The following PKD1 variants were observed in gnomAD, a reference collection of about 807,000 sequenced individuals.
PKD1 encodes polycystin-1.
A neutral mutation model predicts 361.7 loss-of-function variants in PKD1; 81 were observed. That is an observed-to-expected ratio of 0.22 (90% CI 0.19 to 0.27). The LOEUF (loss-of-function observed/expected upper bound fraction) is 0.27. Among genes scored for constraint, PKD1 ranks in the 10% least tolerant of loss-of-function variants. The pLI is 1.00. For missense variants in PKD1, 6,399 were observed against 6,118.3 expected, an observed-to-expected ratio of 1.05 and a Z score of -1.53; for synonymous variants, 3,615 against 2,818.3, an observed-to-expected ratio of 1.28 and a Z score of -8.95.
Position 2,108,706 on chromosome 16 carries a change from A to G in PKD1, c.6461T>C (p.Val2154Ala). The G allele has an allele frequency of 1.9e-6, 3 of 1,570,072 alleles. No individual in the cohort carries two copies. The highest frequency in any genetic ancestry group is 2.6e-6 in the Non-Finnish European group (3 of 1,158,484). The change falls in exon 15 of 46, where the codon GTC becomes GCC. Residue 2154 changes from valine (V) to alanine (A), a missense_variant. Transcript: ENST00000262304. The stretch of plus-strand genomic sequence containing the variant: ...CCGCATCAGCACCTGCAGGGGCAGG[A>G]CCACGTCCACCTCCGGCTCCCGGCA... ...LACREPEVDVVLPLQVLMRRS... is the reference protein window; with the variant it reads ...LACREPEVDVALPLQVLMRRS...
Position 2,106,644 on chromosome 16 carries a change from G to A in PKD1, c.7243C>T (p.Leu2415=). The change falls in exon 18 of 46, where the codon CTG becomes TTG. Residue 2415 remains leucine (L), a synonymous_variant. Transcript: ENST00000262304. This position sits in a 1 kb window ranked among gnomAD's most constrained non-coding sequence, Gnocchi z 6.5. ...WAARTFSNKT[L]VLDETTTSTG... is the part of the protein sequence containing the mutation. The stretch of plus-strand genomic sequence containing the variant: ...GATGTGGTGGTCTCATCCAGCACCA[G>A]CGTCTTGTTGCTGAACGTACGTGCA... 1 of 1,598,160 alleles carries A rather than the reference G, an allele frequency of 6.3e-7. No individual in the cohort carries two copies. The highest frequency in any genetic ancestry group is 1.3e-5 in the African/African-American group (1 of 74,942).
Position 2,117,470 on chromosome 16 carries a change from G to C in PKD1, c.1385+19C>G, listed in dbSNP as rs1003698808. 1 of 1,426,334 alleles carries C rather than the reference G, an allele frequency of 7.0e-7. No homozygotes were observed. The allele number at this position is 1,426,334 out of a possible 1,614,324, so 88.4% of individuals were successfully genotyped here. A position where few individuals can be genotyped will look rare whatever the true frequency, so the allele number is the denominator to read the frequency against. On this transcript the variant is annotated intron_variant, in intron 6 of 45. Coordinates refer to ENST00000262304, the MANE Select transcript of PKD1 (RefSeq NM_001009944.3). ...GAGATCTCCCAACCTATGGCCCCTC[G>C]GGGGGTGGGGGCAGGCACCTGGTGA...
At chr16:2,135,297 G>A (rs4080151) in intron 1 of PKD1, 178 bp downstream of exon 1, 20 of 985,026 alleles carry the variant, frequency 2.0e-5, no homozygotes, top group African/African-American at 7.0e-5. Context: ...TCGGCTCCCC[G>A]GGGCCGTGCC....
rs750086263 is a variant in PKD1 at position 2,090,532 on chromosome 16, C to T, written c.12197G>A (p.Cys4066Tyr). The change falls in exon 45 of 46, where the codon TGC becomes TAC. Residue 4066 changes from cysteine (C) to tyrosine (Y), a missense_variant. Physicochemically the swap from Cys to Tyr is radical, Grantham distance 194. Coordinates refer to ENST00000262304, the MANE Select transcript of PKD1 (RefSeq NM_001009944.3). ...CAGGGTAGAGAGCCCAGTCCCAGGG[C>T]ACAGCACCAACAGGGCCTGGGCCAC... ...WSVAQALLVL[C>Y]PGTGLSTLCP... The T allele has an allele frequency of 4.3e-6, 7 of 1,610,468 alleles. No homozygotes were observed. The Admixed American group carries it at 8.3e-5, about 19-fold the overall frequency.
Position 2,115,189 on chromosome 16 carries a change from G to A in PKD1, c.2097+189C>T, listed in dbSNP as rs535944052. On this transcript the variant is annotated intron_variant, in intron 10 of 45. Transcript: ENST00000262304. Reference sequence around the variant, plus strand: ...AGAGGAGGCACAGCTCGTGCCAAGGGCCCAGGCGAGAGCTTCTCCCACTGG... The same window carrying A: ...AGAGGAGGCACAGCTCGTGCCAAGGACCCAGGCGAGAGCTTCTCCCACTGG... The A allele has an allele frequency of 4.3e-5, 27 of 628,106 alleles. 1 individual carries two copies. Among genetic ancestry groups the A allele is most frequent in the South Asian group, 7.1e-5 (1 of 14,172 alleles). The allele number at this position is 628,106 out of a possible 1,614,324, so 38.9% of individuals were successfully genotyped here.
intron 14 of PKD1, among the ~76,000 whole-genome samples, chr16:2,112,075 C>G (rs1307465451): frequency 5.3e-5 from 8 of 152,218 alleles, no homozygotes; most frequent in African/African-American, 1.9e-4. Flanking sequence ...GGCACCGCCT[C>G]CAAGTGCAGC....
rs1326880099 is a variant in PKD1 at position 2,104,462 on chromosome 16, G to A, written c.8161+36C>T. 24 of 1,479,024 alleles carry A rather than the reference G, an allele frequency of 1.6e-5. 1 individual carries two copies. Among genetic ancestry groups the A allele is most frequent in the African/African-American group, 7.6e-5 (5 of 65,646 alleles). 91.6% of individuals were successfully genotyped at this position (1,479,024 alleles called of 1,614,324 possible). On this transcript the variant is annotated intron_variant, in intron 22 of 45. Transcript: ENST00000262304. Reference sequence around the variant, plus strand: ...GGGAGGCAGAGGAAAGGGCCGCACGGGGCGGGCGGGTGGCATGGGGCACGG... The same window carrying A: ...GGGAGGCAGAGGAAAGGGCCGCACGAGGCGGGCGGGTGGCATGGGGCACGG...
chr16:2,096,088 A>G (rs1256656964), intron 34 of PKD1, among the ~76,000 whole-genome samples: 2 of 152,220 alleles, frequency 1.3e-5, no homozygotes, highest in African/African-American at 4.8e-5. Flanking sequence ...ACACAAATCA[A>G]ACTAGATGTG....
intron 7 of PKD1, 32 bp downstream of exon 7, chr16:2,116,801 C>A (rs1271919798): frequency 1.5e-5 from 20 of 1,324,264 alleles, no homozygotes; most frequent in Non-Finnish European, 1.8e-5. Context: ...CCACAGCCAG[C>A]GTCTCAGGCC....
In PKD1 at chr16:2,109,822, G is replaced by T; in HGVS notation, c.5345C>A (p.Thr1782Lys). Residue 1782 changes from threonine (T) to lysine (K), a missense_variant, in exon 15 of 46, where the codon ACG becomes AAG. Physicochemically the swap from Thr to Lys is moderately conservative, Grantham distance 78. Transcript: ENST00000262304. ...GGCTGAGCCCAGCGGGTTCCCTGCC[G>T]TCATGGTGACCAAGTGCAGGCCGGG... Reference protein sequence around the residue: ...PTPGLHLVTMTAGNPLGSANA... With the variant: ...PTPGLHLVTMKAGNPLGSANA... 2.5e-6 allele frequency: 4 copies of T among 1,610,640 alleles called. No homozygotes were observed. The highest frequency in any genetic ancestry group is 3.4e-6 in the Non-Finnish European group (4 of 1,179,808).
At position 2,094,173 on chromosome 16, in the gene PKD1, G is replaced by T. The variant is rs765817540; in HGVS notation, c.10537C>A (p.Leu3513Met). ...GGCCCCAGCTCCCCCAGCCTCTGCA[G>T]CGCCAGCGTCTCTGTCTTCTCCCCA... ...TPGEKTETLALQRLGELGPPS... is the reference protein window; with the variant it reads ...TPGEKTETLAMQRLGELGPPS... Residue 3513 changes from leucine (L) to methionine (M), a missense_variant, in exon 35 of 46, where the codon CTG becomes ATG. Coordinates refer to ENST00000262304, the MANE Select transcript of PKD1 (RefSeq NM_001009944.3). The T allele has an allele frequency of 6.2e-7, 1 of 1,606,090 alleles. No homozygotes were observed. The highest frequency in any genetic ancestry group is 8.5e-7 in the Non-Finnish European group (1 of 1,176,320).
Position 2,111,163 on chromosome 16 carries a change from G to C in PKD1, c.4004C>G (p.Ser1335Cys). 1 of 1,611,310 alleles carries C rather than the reference G, an allele frequency of 6.2e-7. No individual in the cohort carries two copies. Among genetic ancestry groups the C allele is most frequent in the East Asian group, 2.2e-5 (1 of 44,874 alleles). ...CGGGCACCCCCGCACGGTCGTGTTG[G>C]AGGAGCCATCCCCGAAGGTCCAGTC... Reference protein sequence around the residue: ...LFDWTFGDGSSNTTVRGCPTV... With the variant: ...LFDWTFGDGSCNTTVRGCPTV... Residue 1335 changes from serine to cysteine, a missense_variant, in exon 15 of 46, where the codon TCC (serine) becomes TGC (cysteine). Coordinates refer to ENST00000262304, the MANE Select transcript of PKD1 (RefSeq NM_001009944.3).
intron 1 of PKD1, chr16:2,134,986 G>A (rs1420614870): frequency 3.3e-6 from 1 of 305,998 alleles, no homozygotes; most frequent in Non-Finnish European, 4.4e-6. Context: ...CCAGCCTCAC[G>A]GTCTTTGCTC....
Position 2,134,857 on chromosome 16 carries a change from G to A in PKD1, c.215+618C>T, listed in dbSNP as rs538457132. Reference sequence around the variant, plus strand: ...CCCACGGCAATCCCCCCTCACCCCTGTTCTCAGGATAGCCTTGGAACCCAA... The same window carrying A: ...CCCACGGCAATCCCCCCTCACCCCTATTCTCAGGATAGCCTTGGAACCCAA... On this transcript the variant is annotated intron_variant, in intron 1 of 45. Coordinates refer to ENST00000262304, the MANE Select transcript of PKD1 (RefSeq NM_001009944.3). Among the ~76,000 whole-genome samples the A allele has an allele frequency of 2.8e-3, 404 of 145,792 alleles. 2 individuals are homozygous for A. Among genetic ancestry groups the A allele is most frequent in the African/African-American group, 9.9e-3 (378 of 37,992 alleles).
At chr16:2,124,081 C>T (rs1177915241) in intron 1 of PKD1, among the ~76,000 whole-genome samples, 2 of 152,184 alleles carry the variant, frequency 1.3e-5, no homozygotes, top group Non-Finnish European at 2.9e-5. Context: ...GGTGTGTGGC[C>T]ACAGTACGGG....
chr16:2,133,296 C>T (rs1163895898), intron 1 of PKD1: 5 of 148,124 alleles, frequency 3.4e-5, no homozygotes, highest in Non-Finnish European at 5.9e-5. Context: ...TAACCCAAGG[C>T]AGGCTGTGGC....
chr16:2,129,107 C>A (rs367631445), intron 1 of PKD1, among the ~76,000 whole-genome samples: 3 of 151,766 alleles, frequency 2.0e-5, no homozygotes, highest in East Asian at 1.9e-4. Flanking sequence ...GTGATCCCCC[C>A]ACCTTGGCCT....
chr16:2,107,107 A>C (rs1162256964), intron 16 of PKD1, 159 bp from the exon 17 acceptor site: 6 of 726,554 alleles, frequency 8.3e-6, no homozygotes, highest in Non-Finnish European at 1.5e-5. Context: ...CCGGTTTGCC[A>C]CCTTCCAACT....
intron 43 of PKD1, 34 bp from the exon 44 acceptor site, chr16:2,090,842 G>A (rs117865497): frequency 2.9e-5 from 47 of 1,610,498 alleles, no homozygotes; most frequent in South Asian, 4.4e-5. Context: ...TTGCAGCCCT[G>A]GGGTGTGCGC....
Sources: allele counts gnomAD v4.1 joint callset (sites outside exome capture counted in the v4.1 genomes callset), GRCh38; gene constraint gnomAD v4.1.1; non-coding constraint Gnocchi (gnomAD v3.1); transcripts MANE v1.5; gene names NCBI Gene and HGNC (gene_info 2026-07-23, HGNC 2026-07-21).